Variants in COLEC10 observed in about 807,000 individuals in gnomAD.
COLEC10 encodes the protein collectin-10.
Under a neutral mutation model 28.4 loss-of-function variants are expected in COLEC10, and 22 were observed. That is an observed-to-expected ratio of 0.78 (90% CI 0.55 to 1.11). COLEC10 has a LOEUF of 1.11. COLEC10 is among the 50% of genes least tolerant of loss of function. The pLI is 0.00. For synonymous variants in COLEC10, 125 were observed against 116.1 expected, an observed-to-expected ratio of 1.08 and a Z score of -0.49; for missense variants, 361 against 344.1, an observed-to-expected ratio of 1.05 and a Z score of -0.39.
chr8:119,023,045 T>C (rs575516883), intron 2 of COLEC10, among the ~76,000 whole-genome samples: 8 of 152,290 alleles, frequency 5.3e-5, no homozygotes, highest in African/African-American at 1.9e-4. Flanking sequence ...CTATCCCAGA[T>C]ATACACATGG....
intron 2 of COLEC10, among the ~76,000 whole-genome samples, chr8:119,018,202 C>T (rs75929933): frequency 0.044 from 6,695 of 152,186 alleles, 218 homozygotes; most frequent in East Asian, 0.16. Flanking sequence ...CTAAAAGTGT[C>T]CTGAAGAAGA....
At chr8:118,953,120 T>C in the COLEC10 span, among the ~76,000 whole-genome samples, 1 of 152,146 alleles carries the variant, frequency 6.6e-6, no homozygotes, top group Non-Finnish European at 1.5e-5. Context: ...GGGACATCCT[T>C]CCACCACGAG....
At chr8:119,047,012 C>A (rs1171488427) in intron 2 of COLEC10, among the ~76,000 whole-genome samples, 1 of 152,078 alleles carries the variant, frequency 6.6e-6, no homozygotes, top group East Asian at 1.9e-4. Context: ...GTGATGAGGC[C>A]TTAGGAAAAA....
chr8:119,039,832 T>A (rs950174383), intron 2 of COLEC10, among the ~76,000 whole-genome samples: 26 of 152,188 alleles, frequency 1.7e-4, no homozygotes, highest in African/African-American at 6.0e-4. Context: ...TCTGCCTCTC[T>A]TCTACTTTTA....
At chr8:119,095,487 G>T (rs772906021) in intron 3 of COLEC10, among the ~76,000 whole-genome samples, 5 of 152,146 alleles carry the variant, frequency 3.3e-5, no homozygotes, top group Non-Finnish European at 5.9e-5. Flanking sequence ...TGGATCACCT[G>T]AGGTCTGGAG....
intron 2 of COLEC10, among the ~76,000 whole-genome samples, chr8:119,014,275 A>G (rs1813950068): frequency 6.7e-6 from 1 of 149,826 alleles, no homozygotes; most frequent in South Asian, 2.1e-4. Flanking sequence ...AAATTCCTTC[A>G]ATTTTTTTGT....
At chr8:119,079,575 A>AT (rs1215646151) in intron 1 of COLEC10, among the ~76,000 whole-genome samples, 4 of 152,092 alleles carry the variant, frequency 2.6e-5, no homozygotes, top group Non-Finnish European at 5.9e-5. Flanking sequence ...TTAATGTTGC[A>AT]TTTTTCATTA....
At chr8:118,995,699 G>A (rs1246743869) in intron 1 of COLEC10, 2 of 152,038 alleles carry the variant, frequency 1.3e-5, no homozygotes, top group African/African-American at 4.8e-5. Context: ...GTTTGGTAGA[G>A]TAACACAAGG....
chr8:119,017,761 G>A (rs1476660284), intron 2 of COLEC10, among the ~76,000 whole-genome samples: 3 of 152,116 alleles, frequency 2.0e-5, no homozygotes, highest in African/African-American at 7.2e-5. Context: ...CAAACCTCAT[G>A]TATCTGGGTA....
chr8:118,962,667 A>G, the COLEC10 span, among the ~76,000 whole-genome samples: 1 of 152,236 alleles, frequency 6.6e-6, no homozygotes, highest in Non-Finnish European at 1.5e-5. Flanking sequence ...ATTTGAATTT[A>G]TAGTATTGTT....
upstream of COLEC10, among the ~76,000 whole-genome samples, chr8:118,992,199 C>T (rs76833909): frequency 0.049 from 7,432 of 152,138 alleles, 281 homozygotes; most frequent in East Asian, 0.17. Context: ...AAATATTAGC[C>T]TTCACTATTA....
At chr8:119,104,603 A>C in intron 5 of COLEC10, among the ~76,000 whole-genome samples, 1 of 152,290 alleles carries the variant, frequency 6.6e-6, no homozygotes, top group Non-Finnish European at 1.5e-5. Context: ...AATTACAGTT[A>C]AAATTGGTTT....
At chr8:118,968,840 C>T in the COLEC10 span, among the ~76,000 whole-genome samples, 1 of 151,796 alleles carries the variant, frequency 6.6e-6, no homozygotes, top group Non-Finnish European at 1.5e-5. Flanking sequence ...TCTCATTGTT[C>T]AACTCCCACT....
intron 1 of COLEC10, 75 bp from the exon 2 acceptor site, chr8:119,089,605 C>G (rs1815547811): frequency 8.4e-7 from 1 of 1,183,900 alleles, no homozygotes; most frequent in African/African-American, 1.5e-5. Context: ...GTAACCATGT[C>G]CACCTTACCC....
At chr8:119,006,327 A>G (rs947141035) in intron 1 of COLEC10, among the ~76,000 whole-genome samples, 6 of 151,988 alleles carry the variant, frequency 3.9e-5, no homozygotes, top group African/African-American at 1.2e-4. Context: ...TCAAACAACC[A>G]TTGCCTGTGT....
intron 1 of COLEC10, among the ~76,000 whole-genome samples, chr8:119,077,242 G>GTTTTTT (rs1815257290): frequency 1.5e-5 from 1 of 66,118 alleles, no homozygotes. Flanking sequence ...GGTAGAGAAT[G>GTTTTTT]ATTTTTTTTT....
intron 1 of COLEC10, among the ~76,000 whole-genome samples, chr8:119,070,006 G>T (rs1245899878): frequency 6.6e-6 from 1 of 152,064 alleles, no homozygotes; most frequent in African/African-American, 2.4e-5. Flanking sequence ...ATTTAGAATT[G>T]CAGAATGGCA....
At chr8:118,989,941 T>A in the COLEC10 span, among the ~76,000 whole-genome samples, 1 of 152,206 alleles carries the variant, frequency 6.6e-6, no homozygotes, top group African/African-American at 2.4e-5. Context: ...GAGCATCAGG[T>A]TGATTCTCAA....
chr8:119,019,020 GAA>G (rs1188110294), intron 2 of COLEC10, among the ~76,000 whole-genome samples: 1 of 152,078 alleles, frequency 6.6e-6, no homozygotes, highest in Non-Finnish European at 1.5e-5. Flanking sequence ...AAAATTCTAA[GAA>G]AAGATGCCTA....
Sources: gnomAD v4.1 joint callset for allele counts (sites outside exome capture counted in the v4.1 genomes callset) on GRCh38, gnomAD v4.1.1 for gene constraint, MANE v1.5 for transcripts, NCBI Gene and HGNC (gene_info 2026-07-23, HGNC 2026-07-21) for gene names.